The following FXR1 variants were observed in gnomAD, a reference collection of about 807,000 sequenced individuals.
The protein encoded by FXR1 is RNA-binding protein FXR1.
In FXR1, 15 loss-of-function variants were observed where a neutral mutation model predicts 84.0. The observed-to-expected ratio is 0.18, with a 90% CI of 0.12 to 0.27. The LOEUF (loss-of-function observed/expected upper bound fraction) is 0.27. FXR1 is among the 10% of genes least tolerant of loss of function. FXR1 has a pLI of 1.00. For missense variants in FXR1, 480 were observed against 774.4 expected (o/e 0.62, Z 4.51); for synonymous variants, 245 against 250.7 (o/e 0.98, Z 0.21).
chr3:180,960,416 G>C (rs1711947723), intron 10 of FXR1, among the ~76,000 whole-genome samples: 1 of 152,174 alleles, frequency 6.6e-6, no homozygotes, highest in Non-Finnish European at 1.5e-5. Flanking sequence ...TACCTACTAA[G>C]GTGATGTATC....
intron 3 of FXR1, among the ~76,000 whole-genome samples, chr3:180,943,477 G>T (rs1336698635): frequency 6.6e-6 from 1 of 151,870 alleles, no homozygotes; most frequent in Non-Finnish European, 1.5e-5. Context: ...ATGTTGGCCA[G>T]GTTGGTCTCA....
At chr3:180,973,731 T>C (rs1161550495) in intron 15 of FXR1, among the ~76,000 whole-genome samples, 1 of 152,256 alleles carries the variant, frequency 6.6e-6, no homozygotes, top group African/African-American at 2.4e-5. Flanking sequence ...ACATCTTTAG[T>C]GGTTTTCTAG....
Position 180,981,597 on chromosome 3 carries a change from G to A in FXR1, c.*5305G>A, listed in dbSNP as rs1474945324. 2 of 152,060 alleles carry A rather than the reference G, an allele frequency of 1.3e-5. No homozygotes were observed. The highest frequency in any genetic ancestry group is 1.9e-4 in the East Asian group (1 of 5,190). 9.4% of individuals were successfully genotyped at this position (152,060 alleles called of 1,614,324 possible). On this transcript the variant is annotated 3_prime_UTR_variant, in exon 17 of 17. Coordinates refer to ENST00000357559, the MANE Select transcript of FXR1 (RefSeq NM_005087.4). ...GACTCACAAAAATCTCTGATATTGAGGTCTAATGTGAAGGCTATAGATAGG... is the reference window on the plus strand; with the variant it reads ...GACTCACAAAAATCTCTGATATTGAAGTCTAATGTGAAGGCTATAGATAGG...
At chr3:180,971,141 A>G in intron 15 of FXR1, 3 of 1,269,106 alleles carry the variant, frequency 2.4e-6, no homozygotes, top group Non-Finnish European at 3.1e-6. Flanking sequence ...GGTCAGGCAG[A>G]AGATAGACAG....
intron 16 of FXR1, among the ~76,000 whole-genome samples, 162 bp from the exon 17 acceptor site, chr3:180,975,960 T>C (rs1439825166): frequency 2.0e-5 from 3 of 152,138 alleles, no homozygotes; most frequent in Non-Finnish European, 2.9e-5. Flanking sequence ...TGGAATACTT[T>C]GTTATTTGTT....
chr3:180,954,872 A>ATTTTT (rs11328945), intron 9 of FXR1, among the ~76,000 whole-genome samples: 3 of 114,532 alleles, frequency 2.6e-5, no homozygotes, highest in African/African-American at 1.0e-4. Context: ...TTCTAAAAAG[A>ATTTTT]TTTTTTTTTT....
At chr3:180,915,472 G>A in intron 1 of FXR1, 4 of 1,425,836 alleles carry the variant, frequency 2.8e-6, no homozygotes, top group Middle Eastern at 1.8e-4. Flanking sequence ...TAGCGTAGAA[G>A]CAATTTAATT....
At chr3:180,943,983 C>T (rs961338540) in intron 3 of FXR1, among the ~76,000 whole-genome samples, 1 of 151,966 alleles carries the variant, frequency 6.6e-6, no homozygotes, top group African/African-American at 2.4e-5. Context: ...ATGGCGCGAT[C>T]TCAGCTCACC....
intron 15 of FXR1, chr3:180,971,840 TCA>T (rs1315830546): frequency 5.2e-5 from 8 of 152,624 alleles, no homozygotes; most frequent in Non-Finnish European, 1.0e-4. Context: ...GTACAGAGAA[TCA>T]CATGTATATT....
intron 1 of FXR1, chr3:180,933,080 T>C (rs2108443676): frequency 2.3e-6 from 1 of 427,438 alleles, no homozygotes; most frequent in East Asian, 4.6e-5. Flanking sequence ...ACCTGAGGTG[T>C]TCCAGGGATG....
At chr3:180,964,552 T>TTTCTTGAAATAGTGG (rs1712550995) in intron 13 of FXR1, among the ~76,000 whole-genome samples, 2 of 151,994 alleles carry the variant, frequency 1.3e-5, no homozygotes, top group Non-Finnish European at 2.9e-5. Context: ...GTGGAATTGA[T>TTTCTTGAAATAGTGG]AACATTTTAT....
At chr3:180,919,871 T>C (rs1453906518) in intron 1 of FXR1, among the ~76,000 whole-genome samples, 1 of 151,520 alleles carries the variant, frequency 6.6e-6, no homozygotes, top group Non-Finnish European at 1.5e-5. Context: ...TTTCACCATA[T>C]TGGCCAGGCT....
chr3:180,982,355 C>T lies in FXR1; in HGVS notation c.*6063C>T, dbSNP rs1714652905. 1 of 152,006 alleles carries T rather than the reference C, an allele frequency of 6.6e-6. No individual in the cohort carries two copies. Among genetic ancestry groups the T allele is most frequent in the African/African-American group, 2.4e-5 (1 of 41,402 alleles). 9.4% of individuals were successfully genotyped at this position (152,006 alleles called of 1,614,324 possible). A position where few individuals can be genotyped will look rare whatever the true frequency, so the allele number is the denominator to read the frequency against. On this transcript the variant is annotated 3_prime_UTR_variant, in exon 17 of 17. Transcript: ENST00000357559. The stretch of plus-strand genomic sequence containing the variant: ...TCACCTACATGATCTAGAGCCCTCA[C>T]ATGGATAACATTTAAATGTTCAGTT...
At chr3:180,941,076 TTA>T (rs1721071613) in intron 3 of FXR1, among the ~76,000 whole-genome samples, 1 of 152,100 alleles carries the variant, frequency 6.6e-6, no homozygotes, top group Admixed American at 6.5e-5. Flanking sequence ...TATCTATATA[TTA>T]TATTAAAATG....
intron 15 of FXR1, among the ~76,000 whole-genome samples, chr3:180,973,948 T>C (rs1713898923): frequency 6.6e-6 from 1 of 152,146 alleles, no homozygotes; most frequent in African/African-American, 2.4e-5. Flanking sequence ...ATGGACCAAT[T>C]CTCCCCATAC....
At chr3:180,927,626 T>G in intron 1 of FXR1, 1 of 585,564 alleles carries the variant, frequency 1.7e-6, no homozygotes, top group Non-Finnish European at 3.0e-6. Context: ...GCAGATATCC[T>G]GTGTACTTTT....
rs960804050 is a variant in FXR1, at chr3:180,918,377, A to G, written c.51+5641A>G. Among the ~76,000 whole-genome samples, 28 of 152,132 alleles carry G rather than the reference A, an allele frequency of 1.8e-4. 1 individual carries two copies. Among genetic ancestry groups the G allele is most frequent in the South Asian group, 6.2e-4 (3 of 4,810 alleles). On this transcript the variant is annotated intron_variant, in intron 1 of 16. Coordinates refer to ENST00000357559, the MANE Select transcript of FXR1 (RefSeq NM_005087.4). ...GGTCTCAAACTCCTGGTCTCAAGCA[A>G]TACTCCCATCTGGGCCTCCCAGAGT... is the stretch of plus-strand genomic sequence containing the variant.
chr3:180,922,357 G>A (rs1209992270), intron 1 of FXR1, among the ~76,000 whole-genome samples: 1 of 152,142 alleles, frequency 6.6e-6, no homozygotes, highest in African/African-American at 2.4e-5. Context: ...TTGCCAGTCT[G>A]TTGGATGTAA....
intron 1 of FXR1, among the ~76,000 whole-genome samples, chr3:180,913,960 G>T (rs748289056): frequency 1.3e-5 from 2 of 152,078 alleles, no homozygotes; most frequent in Non-Finnish European, 2.9e-5. Flanking sequence ...TCAGCATTTT[G>T]ATTTTCTTTT....
Sources: allele counts gnomAD v4.1 joint callset (sites outside exome capture counted in the v4.1 genomes callset), GRCh38; gene constraint gnomAD v4.1.1; transcripts MANE v1.5; gene names NCBI Gene and HGNC (gene_info 2026-07-23, HGNC 2026-07-21).